The following G2E3 variants were observed in gnomAD, a reference collection of about 807,000 sequenced individuals.
The protein encoded by G2E3 is G2/M-phase specific E3 ubiquitin protein ligase, also known as G2/M phase-specific E3 ubiquitin-protein ligase.
Under a neutral mutation model 92.8 loss-of-function variants are expected in G2E3, and 35 were observed. The observed-to-expected ratio is 0.38, with a 90% CI of 0.29 to 0.50. The LOEUF (loss-of-function observed/expected upper bound fraction) is 0.50, where lower values mean the gene tolerates loss of function less well. G2E3 is among the 20% of genes least tolerant of loss of function. The pLI is 0.94. For synonymous variants in G2E3, 242 were observed against 272.4 expected (o/e 0.89, Z 1.10); for missense variants, 554 against 823.8 (o/e 0.67, Z 4.01).
At chr14:30,599,757 A>G (rs1881472798) in intron 8 of G2E3, among the ~76,000 whole-genome samples, 1 of 151,892 alleles carries the variant, frequency 6.6e-6, no homozygotes, top group South Asian at 2.1e-4. Flanking sequence ...AAATAAAAAT[A>G]TATGTTATTT....
chr14:30,565,319 TG>T (rs1452377874), intron 1 of G2E3, among the ~76,000 whole-genome samples: 1 of 152,196 alleles, frequency 6.6e-6, no homozygotes, highest in African/African-American at 2.4e-5. Context: ...TTGGATTACT[TG>T]TCTTTTTGTT....
At chr14:30,598,699 A>T in intron 8 of G2E3, 100 bp downstream of exon 8, 1 of 817,464 alleles carries the variant, frequency 1.2e-6, no homozygotes, top group Non-Finnish European at 2.2e-6. Flanking sequence ...TTCTCTTAGG[A>T]TGTTAGAAGT....
intron 1 of G2E3, among the ~76,000 whole-genome samples, chr14:30,561,365 C>A (rs973656996): frequency 1.3e-5 from 2 of 152,192 alleles, no homozygotes; most frequent in African/African-American, 4.8e-5. Flanking sequence ...TCTCTTCAGT[C>A]TCCCTCCAGA....
rs1270208803 is a variant in G2E3 at position 30,600,061 on chromosome 14, A to G, written c.752+1462A>G. Among the ~76,000 whole-genome samples the G allele has an allele frequency of 2.6e-5, 4 of 152,238 alleles. No individual in the cohort carries two copies. In the East Asian group the frequency reaches 7.7e-4, roughly 29 times the overall value. On this transcript the variant is annotated intron_variant, in intron 8 of 14. Coordinates refer to ENST00000206595, the MANE Select transcript of G2E3 (RefSeq NM_017769.5). ...ATATCTTCAGTTTTTAAGATGTAGG[A>G]TAAGTAACAAATCCAGTTTACAAAA...
chr14:30,591,128 T>A (rs1214097146), intron 4 of G2E3, among the ~76,000 whole-genome samples: 1 of 152,196 alleles, frequency 6.6e-6, no homozygotes, highest in Non-Finnish European at 1.5e-5. Flanking sequence ...AAGTATATTG[T>A]GAACCCTTGA....
intron 1 of G2E3, chr14:30,559,978 GA>G (rs1878995804): frequency 6.6e-6 from 1 of 152,176 alleles, no homozygotes; most frequent in African/African-American, 2.4e-5. Flanking sequence ...AAACAATAGG[GA>G]TAAGGTTTAG....
intron 13 of G2E3, among the ~76,000 whole-genome samples, chr14:30,613,302 C>T (rs1882176158): frequency 1.3e-5 from 2 of 152,056 alleles, no homozygotes; most frequent in African/African-American, 4.8e-5. Flanking sequence ...TCATCTCAAA[C>T]CTGATAAATT....
intron 1 of G2E3, among the ~76,000 whole-genome samples, chr14:30,567,579 T>C (rs1879514719): frequency 6.6e-6 from 1 of 152,026 alleles, no homozygotes; most frequent in Non-Finnish European, 1.5e-5. Flanking sequence ...TTTTCAATTT[T>C]GTCGATCTTC....
At chr14:30,572,278 C>T (rs1465669167) in intron 1 of G2E3, among the ~76,000 whole-genome samples, 7 of 152,236 alleles carry the variant, frequency 4.6e-5, no homozygotes, top group African/African-American at 1.7e-4. Flanking sequence ...AACAGTTTTA[C>T]TTCATCCTTC....
chr14:30,570,892 A>G (rs1325869844), intron 1 of G2E3, among the ~76,000 whole-genome samples: 1 of 152,116 alleles, frequency 6.6e-6, no homozygotes, highest in Non-Finnish European at 1.5e-5. Context: ...CCTTTATCAG[A>G]TTATGATTTG....
At chr14:30,584,049 A>G (rs1173728255) in intron 2 of G2E3, among the ~76,000 whole-genome samples, 2 of 152,124 alleles carry the variant, frequency 1.3e-5, no homozygotes, top group Non-Finnish European at 2.9e-5. Context: ...CCTGGTAACC[A>G]CTAATCTGCT....
At chr14:30,590,943 G>T (rs1242041237) in intron 4 of G2E3, 5 of 285,330 alleles carry the variant, frequency 1.8e-5, no homozygotes, top group South Asian at 1.0e-4. Context: ...TTGCTTACCA[G>T]TTGAGCACCT....
chr14:30,590,658 C>A (rs985922368), intron 4 of G2E3: 12 of 455,260 alleles, frequency 2.6e-5, no homozygotes, highest in African/African-American at 1.4e-4. Flanking sequence ...TTGAAGATAT[C>A]AAGAAGGTAG....
In G2E3 at chr14:30,616,490, C is replaced by G. The variant is rs773998300; in HGVS notation, c.2077C>G (p.Leu693Val). The G allele has an allele frequency of 7.5e-6, 12 of 1,602,124 alleles. No homozygotes were observed. The highest frequency in any genetic ancestry group is 6.7e-5 in the East Asian group (3 of 44,734). Residue 693 changes from leucine to valine, a missense_variant, in exon 15 of 15, where the codon CTA (leucine) becomes GTA (valine). This residue lies in a region of G2E3 where 397 missense variants were observed against 560.3 expected (regional missense o/e 0.71). Transcript: ENST00000206595. ...TATGGACTTCACCATAAGAAACACT[C>G]TAAGACTAGAAAAGGAAGAAAGTTC... ...ENMDFTIRNT[L>V]RLEKEESSHY...
Position 30,598,476 on chromosome 14 carries a change from T to C in G2E3, c.636-7T>C. 7 of 1,520,390 alleles carry C rather than the reference T, an allele frequency of 4.6e-6. No homozygotes were observed. The highest frequency in any genetic ancestry group is 6.4e-6 in the Non-Finnish European group (7 of 1,094,668). 94.2% of individuals were successfully genotyped at this position (1,520,390 alleles called of 1,614,324 possible). A position where few individuals can be genotyped will look rare whatever the true frequency, so the allele number is the denominator to read the frequency against. On this transcript the variant is annotated splice_region_variant and splice_polypyrimidine_tract_variant and intron_variant, in intron 7 of 14. Coordinates refer to ENST00000206595, the MANE Select transcript of G2E3 (RefSeq NM_017769.5). Reference sequence around the variant, plus strand: ...GGTCAAAGCATATTTTATATCTTCTTTTATAGAGATGCTTCCTGGGAATTA... The same window carrying C: ...GGTCAAAGCATATTTTATATCTTCTCTTATAGAGATGCTTCCTGGGAATTA...
chr14:30,581,701 CA>C (rs200886727), intron 2 of G2E3, among the ~76,000 whole-genome samples: 3 of 151,534 alleles, frequency 2.0e-5, no homozygotes, highest in African/African-American at 7.3e-5. Context: ...GACCCTGTAT[CA>C]AAAAAAAGAA....
At chr14:30,561,846 TGC>T (rs1879119608) in intron 1 of G2E3, among the ~76,000 whole-genome samples, 1 of 150,870 alleles carries the variant, frequency 6.6e-6, no homozygotes, top group African/African-American at 2.5e-5. Flanking sequence ...AAAAAGTTGT[TGC>T]TTTTTTTTTT....
intron 10 of G2E3, among the ~76,000 whole-genome samples, chr14:30,603,115 C>G (rs1014989942): frequency 6.6e-6 from 1 of 152,126 alleles, no homozygotes; most frequent in African/African-American, 2.4e-5. Context: ...ATCCCGAGGT[C>G]AAGAGATCGA....
intron 1 of G2E3, among the ~76,000 whole-genome samples, chr14:30,561,080 A>T (rs1879071597): frequency 1.3e-5 from 2 of 152,232 alleles, no homozygotes. Context: ...ATGAGTTAAT[A>T]TATACAAAGA....
Sources: allele counts gnomAD v4.1 joint callset (sites outside exome capture counted in the v4.1 genomes callset), GRCh38; gene constraint gnomAD v4.1.1; regional missense constraint gnomAD v4.1.1; transcripts MANE v1.5; gene names NCBI Gene and HGNC (gene_info 2026-07-23, HGNC 2026-07-21).